STK38L: variants seen among roughly 807,000 people sequenced by gnomAD.
STK38L encodes the protein serine/threonine kinase 38 like.
A neutral mutation model predicts 59.7 loss-of-function variants in STK38L; 28 were observed. The ratio of observed to expected loss-of-function variants is 0.47; its 90% CI spans 0.35 to 0.64. STK38L has a LOEUF of 0.64. Among genes scored for constraint, STK38L ranks in the 30% least tolerant of loss-of-function variants. The pLI, the probability that STK38L is intolerant of heterozygous loss-of-function variation, is 0.01. For synonymous variants in STK38L, 162 were observed against 176.8 expected (o/e 0.92, Z 0.66); for missense variants, 314 against 555.8 (o/e 0.56, Z 4.37).
intron 1 of STK38L, among the ~76,000 whole-genome samples, chr12:27,279,866 A>G (rs1165787763): frequency 6.6e-6 from 1 of 152,090 alleles, no homozygotes; most frequent in Non-Finnish European, 1.5e-5. Context: ...TTACACATTT[A>G]AAAAATAAAA....
intron 5 of STK38L, 80 bp downstream of exon 5, chr12:27,309,277 G>A: frequency 9.3e-7 from 1 of 1,071,102 alleles, no homozygotes; most frequent in Non-Finnish European, 1.3e-6. Flanking sequence ...GAATTTTTAA[G>A]AAGCAGTTTA....
intron 1 of STK38L, among the ~76,000 whole-genome samples, chr12:27,251,269 A>T (rs932273532): frequency 1.3e-5 from 2 of 152,120 alleles, no homozygotes; most frequent in Admixed American, 6.5e-5. Context: ...ATAGACAGGG[A>T]TTTACTCTTA....
intron 1 of STK38L, among the ~76,000 whole-genome samples, chr12:27,275,263 C>T (rs1446025891): frequency 2.6e-5 from 4 of 151,940 alleles, no homozygotes; most frequent in Non-Finnish European, 5.9e-5. Flanking sequence ...GTATTTTCAG[C>T]TCCATCACCC....
intron 1 of STK38L, among the ~76,000 whole-genome samples, chr12:27,250,533 C>T (rs188887110): frequency 1.3e-5 from 2 of 152,270 alleles, no homozygotes; most frequent in African/African-American, 4.8e-5. Context: ...AACCACTTAT[C>T]CCTTACTATG....
At chr12:27,250,811 T>C (rs1209084328) in intron 1 of STK38L, among the ~76,000 whole-genome samples, 2 of 151,774 alleles carry the variant, frequency 1.3e-5, no homozygotes, top group Admixed American at 1.3e-4. Context: ...CCATCCTGGC[T>C]AACATGGCCA....
In STK38L at chr12:27,323,992, T is replaced by A. The variant is rs1305514034; in HGVS notation, c.*1537T>A. On this transcript the variant is annotated 3_prime_UTR_variant, in exon 14 of 14. Coordinates refer to ENST00000389032, the MANE Select transcript of STK38L (RefSeq NM_015000.4). ...GATCTATGATCAAAATCTAAAGTGA[T>A]GAATTATTTGTAGGAATGTCTTCCT... 1.3e-5 allele frequency: 2 copies of A among 152,058 alleles called. No individual in the cohort carries two copies. Among genetic ancestry groups the A allele is most frequent in the Non-Finnish European group, 1.5e-5 (1 of 67,944 alleles). 9.4% of individuals were successfully genotyped at this position (152,058 alleles called of 1,614,324 possible). A position where few individuals can be genotyped will look rare whatever the true frequency, so the allele number is the denominator to read the frequency against.
intron 1 of STK38L, among the ~76,000 whole-genome samples, chr12:27,282,740 A>C (rs948298197): frequency 6.6e-6 from 1 of 152,192 alleles, no homozygotes; most frequent in African/African-American, 2.4e-5. Flanking sequence ...GAAAGAGTGC[A>C]TAGTCTGAGA....
chr12:27,257,078 T>C (rs1399514987), intron 1 of STK38L, among the ~76,000 whole-genome samples: 6 of 152,248 alleles, frequency 3.9e-5, no homozygotes, highest in Non-Finnish European at 7.3e-5. Flanking sequence ...TACGGGAATT[T>C]ACTTATAGTT....
Position 27,317,966 on chromosome 12 carries a change from G to C in STK38L, c.1026G>C (p.Leu342=), listed in dbSNP as rs199877736. Residue 342 remains leucine, a synonymous_variant, in exon 11 of 14, where the codon CTG becomes CTC. Coordinates refer to ENST00000389032, the MANE Select transcript of STK38L (RefSeq NM_015000.4). ...YRKVMNWKET[L]VFPPEVPISE... ...AAGTGATGAACTGGAAAGAAACTCT[G>C]GTATTTCCTCCAGAGGTACCTATAT... is the stretch of plus-strand genomic sequence containing the variant. The C allele has an allele frequency of 2.7e-5, 44 of 1,613,950 alleles. No homozygotes were observed. Among genetic ancestry groups the C allele is most frequent in the Admixed American group, 6.7e-5 (4 of 60,008 alleles).
Position 27,309,034 on chromosome 12 carries a change from GCTTT to G in STK38L, c.310-75_310-72del, listed in dbSNP as rs1260691441. On this transcript the variant is annotated intron_variant, in intron 4 of 13. Transcript: ENST00000389032. ...GAAATACCAACACTGGCAAATTCCT[GCTTT>G]CTTTAAGGGAAGTTACTTTTCTTTC... 23 of 892,822 alleles carry G rather than the reference GCTTT, an allele frequency of 2.6e-5. No individual in the cohort carries two copies. In the South Asian group the frequency reaches 4.8e-4, roughly 19 times the overall value. The allele number at this position is 892,822 out of a possible 1,614,324, so 55.3% of individuals were successfully genotyped here.
At chr12:27,317,025 G>C (rs1434652059) in intron 9 of STK38L, among the ~76,000 whole-genome samples, 2 of 151,986 alleles carry the variant, frequency 1.3e-5, no homozygotes, top group Non-Finnish European at 2.9e-5. Flanking sequence ...TTCTTGTGGG[G>C]GCAGAAATGA....
intron 1 of STK38L, among the ~76,000 whole-genome samples, chr12:27,254,451 G>A (rs989639488): frequency 1.3e-5 from 2 of 152,118 alleles, no homozygotes; most frequent in East Asian, 1.9e-4. Flanking sequence ...TGTGCAAATC[G>A]TTATTATAAA....
intron 2 of STK38L, among the ~76,000 whole-genome samples, chr12:27,301,286 T>A (rs1944163544): frequency 6.6e-6 from 1 of 152,058 alleles, no homozygotes; most frequent in Non-Finnish European, 1.5e-5. Context: ...AGAGACAGAG[T>A]CTCACTCTGT....
intron 2 of STK38L, among the ~76,000 whole-genome samples, chr12:27,301,619 C>G (rs1234417144): frequency 1.3e-5 from 2 of 152,082 alleles, no homozygotes; most frequent in East Asian, 3.9e-4. Context: ...AATTTTAATA[C>G]AATAAAATAA....
At chr12:27,291,989 C>T (rs1350056659) in intron 1 of STK38L, among the ~76,000 whole-genome samples, 2 of 152,130 alleles carry the variant, frequency 1.3e-5, no homozygotes, top group Admixed American at 1.3e-4. Flanking sequence ...CTCCTTTCCC[C>T]AGGCTTGATA....
chr12:27,269,881 T>C (rs1943383401), intron 1 of STK38L, among the ~76,000 whole-genome samples: 1 of 152,124 alleles, frequency 6.6e-6, no homozygotes. Flanking sequence ...GACCTCAGGT[T>C]ATCCGCCCAC....
intron 1 of STK38L, among the ~76,000 whole-genome samples, chr12:27,264,696 TTTAAAG>T (rs1943267544): frequency 6.6e-6 from 1 of 152,176 alleles, no homozygotes; most frequent in Non-Finnish European, 1.5e-5. Context: ...CTAGAGATGA[TTTAAAG>T]TATATAGGAG....
chr12:27,290,666 GGTGGGTAATAAAAT>G (rs1436745397), intron 1 of STK38L, among the ~76,000 whole-genome samples: 9 of 152,276 alleles, frequency 5.9e-5, no homozygotes, highest in South Asian at 2.1e-4. Flanking sequence ...AAAGGAAGCA[GGTGGGTAATAAAAT>G]GTGGGTAATA....
At chr12:27,322,010 CT>C in intron 12 of STK38L, 132 bp from the exon 13 acceptor site, 1 of 725,174 alleles carries the variant, frequency 1.4e-6, no homozygotes, top group Non-Finnish European at 2.2e-6. Context: ...TTTAACTAAT[CT>C]CAAATCCACA....
Sources: allele counts gnomAD v4.1 joint callset (sites outside exome capture counted in the v4.1 genomes callset), GRCh38; gene constraint gnomAD v4.1.1; transcripts MANE v1.5; gene names NCBI Gene and HGNC (gene_info 2026-07-23, HGNC 2026-07-21).